Variants in SUDS3 observed in about 807,000 individuals in gnomAD.
The protein encoded by SUDS3 is SIN3A corepressor complex component SDS3.
SUDS3 carries 23 observed loss-of-function variants against 53.5 expected under a neutral mutation model. The observed-to-expected ratio is 0.43, with a 90% CI of 0.31 to 0.61. The LOEUF is 0.61. Among genes scored for constraint, SUDS3 ranks in the 20% least tolerant of loss-of-function variants. SUDS3 has a pLI of 0.10. For synonymous variants in SUDS3, 150 were observed against 148.5 expected (o/e 1.01, Z -0.08); for missense variants, 291 against 405.9 (o/e 0.72, Z 2.43).
chr12:118,390,779 CTT>C (rs550585145), intron 5 of SUDS3, among the ~76,000 whole-genome samples: 1 of 152,146 alleles, frequency 6.6e-6, no homozygotes, highest in African/African-American at 2.4e-5. Context: ...ATAATAGTAA[CTT>C]TTTGAATATA....
intron 2 of SUDS3, among the ~76,000 whole-genome samples, chr12:118,380,536 A>G (rs1461612490): frequency 6.6e-6 from 1 of 152,226 alleles, no homozygotes; most frequent in African/African-American, 2.4e-5. Flanking sequence ...GAGTTTGACC[A>G]TAGCGCTTCC....
intron 6 of SUDS3, among the ~76,000 whole-genome samples, chr12:118,399,456 C>A (rs138702342): frequency 0.031 from 4,726 of 152,174 alleles, 243 homozygotes; most frequent in African/African-American, 0.11. Flanking sequence ...GAATGAAGAT[C>A]GTGCCACTGC....
intron 9 of SUDS3, 174 bp downstream of exon 9, chr12:118,402,178 C>T (rs2046269137): frequency 3.3e-6 from 2 of 602,820 alleles, no homozygotes; most frequent in African/African-American, 3.8e-5. Context: ...TCCCTGATTT[C>T]TTTTTTTTTC....
chr12:118,414,604 C>A lies in SUDS3; in HGVS notation c.*171C>A, dbSNP rs1314426798. On this transcript the variant is annotated 3_prime_UTR_variant, in exon 12 of 12. Coordinates refer to ENST00000543473, the MANE Select transcript of SUDS3 (RefSeq NM_022491.3). ...AGGGCACTTTTGTGGCCGGATGCTT[C>A]CAACTTTGTCAGTCTTTTCTGCCTC... 4.0e-6 allele frequency: 2 copies of A among 499,602 alleles called. No individual in the cohort carries two copies. Among genetic ancestry groups the A allele is most frequent in the African/African-American group, 4.0e-5 (2 of 50,188 alleles). 30.9% of individuals were successfully genotyped at this position (499,602 alleles called of 1,614,324 possible).
At chr12:118,389,304 T>C (rs1278618626) in intron 4 of SUDS3, among the ~76,000 whole-genome samples, 1 of 152,106 alleles carries the variant, frequency 6.6e-6, no homozygotes, top group Non-Finnish European at 1.5e-5. Flanking sequence ...CCAAAAAGGT[T>C]GGAGACCACT....
At position 118,403,467 on chromosome 12, in the gene SUDS3, G is replaced by C. The variant is rs370809170; in HGVS notation, c.753G>C (p.Gln251His). 3 of 1,613,662 alleles carry C rather than the reference G, an allele frequency of 1.9e-6. No homozygotes were observed. The African/African-American group carries it at 4.0e-5, about 22-fold the overall frequency. ...LPATPAESPA[Q>H]RFEARIEDGK... ...CAACACCCGCGGAATCTCCAGCCCA[G>C]AGGTTCGAAGCTCGGATAGAAGATG... The change falls in exon 10 of 12, where the codon CAG becomes CAC. Residue 251 changes from glutamine to histidine, a missense_variant. Transcript: ENST00000543473.
chr12:118,382,240 G>A (rs987039278), intron 2 of SUDS3, among the ~76,000 whole-genome samples: 1 of 151,932 alleles, frequency 6.6e-6, no homozygotes, highest in African/African-American at 2.4e-5. Flanking sequence ...TAGAGACGGG[G>A]TTTCACCATG....
At chr12:118,393,103 G>A (rs2046182521) in intron 6 of SUDS3, among the ~76,000 whole-genome samples, 1 of 152,220 alleles carries the variant, frequency 6.6e-6, no homozygotes, top group African/African-American at 2.4e-5. Flanking sequence ...CACTGCCAAG[G>A]TAATGATGGA....
rs2046398869 is a variant in SUDS3, at chr12:118,416,156, G to A, written c.*1723G>A. 1 of 152,120 alleles carries A rather than the reference G, an allele frequency of 6.6e-6. No individual in the cohort carries two copies. The highest frequency in any genetic ancestry group is 2.4e-5 in the African/African-American group (1 of 41,410). The allele number at this position is 152,120 out of a possible 1,614,324, so 9.4% of individuals were successfully genotyped here. A position where few individuals can be genotyped will look rare whatever the true frequency, so the allele number is the denominator to read the frequency against. Reference sequence around the variant, plus strand: ...CCCTCGCTTGAACTGTTACACATACGATGTGTGTGTCACATCACATATTGT... The same window carrying A: ...CCCTCGCTTGAACTGTTACACATACAATGTGTGTGTCACATCACATATTGT... On this transcript the variant is annotated 3_prime_UTR_variant, in exon 12 of 12. Coordinates refer to ENST00000543473, the MANE Select transcript of SUDS3 (RefSeq NM_022491.3).
intron 2 of SUDS3, among the ~76,000 whole-genome samples, chr12:118,381,617 C>T (rs1385784294): frequency 2.0e-5 from 3 of 152,086 alleles, no homozygotes; most frequent in Non-Finnish European, 2.9e-5. Context: ...AAACTCTTGA[C>T]CTCAGGTGAT....
At position 118,401,812 on chromosome 12, in the gene SUDS3, TTAAA is replaced by T; in HGVS notation, c.671_674del (p.Asn224SerfsTer33). 1 of 1,613,902 alleles carries T rather than the reference TTAAA, an allele frequency of 6.2e-7. No individual in the cohort carries two copies. Among genetic ancestry groups the T allele is most frequent in the South Asian group, 1.1e-5 (1 of 91,074 alleles). On this transcript the variant is annotated frameshift_variant, in exon 8 of 12. Coordinates refer to ENST00000543473, the MANE Select transcript of SUDS3 (RefSeq NM_022491.3). LOFTEE classifies it high-confidence loss of function. ...ACAGATCATGGAGGATCTGAGAACATTAAATAAGGTACGGTTTGACTTTTTTGAT... is the reference window on the plus strand; with the variant it reads ...ACAGATCATGGAGGATCTGAGAACATTAAGGTACGGTTTGACTTTTTTGAT...
intron 10 of SUDS3, 126 bp downstream of exon 10, chr12:118,403,643 C>A: frequency 1.4e-6 from 1 of 731,960 alleles, no homozygotes; most frequent in South Asian, 1.8e-5. Flanking sequence ...AAAGTAGAAA[C>A]CCATTAAAAA....
rs2046385560 is a variant in SUDS3, at chr12:118,414,708, T to C, written c.*275T>C. On this transcript the variant is annotated 3_prime_UTR_variant, in exon 12 of 12. Coordinates refer to ENST00000543473, the MANE Select transcript of SUDS3 (RefSeq NM_022491.3). ...GGGGGTTTGATTTACTTTCCTTTTA[T>C]TTCTTTATTTTTTGCTTATACTTGT... The C allele has an allele frequency of 3.3e-6, 1 of 304,742 alleles. No homozygotes were observed. The highest frequency in any genetic ancestry group is 2.2e-5 in the African/African-American group (1 of 46,356). 18.9% of individuals were successfully genotyped at this position (304,742 alleles called of 1,614,324 possible). A position where few individuals can be genotyped will look rare whatever the true frequency, so the allele number is the denominator to read the frequency against.
chr12:118,410,532 T>G (rs2046348436), intron 10 of SUDS3, among the ~76,000 whole-genome samples: 1 of 151,842 alleles, frequency 6.6e-6, no homozygotes. Flanking sequence ...GATTAGGTGG[T>G]CTTCTAACCT....
At chr12:118,383,426 G>A (rs536584676) in intron 2 of SUDS3, among the ~76,000 whole-genome samples, 2 of 152,308 alleles carry the variant, frequency 1.3e-5, no homozygotes, top group East Asian at 1.9e-4. Context: ...CTTTTGCTTC[G>A]TGTGTGCTGT....
rs2046114106 is a variant in SUDS3, at chr12:118,386,279, A to T, written c.340+94A>T. The stretch of plus-strand genomic sequence containing the variant: ...GCAGCCCTAAGAGCTATTCTCCAAA[A>T]CATATCCCAGATACTCTGTCAGGGA... On this transcript the variant is annotated intron_variant, in intron 4 of 11. Coordinates refer to ENST00000543473, the MANE Select transcript of SUDS3 (RefSeq NM_022491.3). 1.5e-5 allele frequency: 15 copies of T among 973,486 alleles called. No homozygotes were observed. The Middle Eastern group carries it at 6.3e-4, about 41-fold the overall frequency. 60.3% of individuals were successfully genotyped at this position (973,486 alleles called of 1,614,324 possible).
intron 10 of SUDS3, among the ~76,000 whole-genome samples, chr12:118,409,211 G>T (rs7956261): frequency 6.7e-6 from 1 of 150,038 alleles, no homozygotes; most frequent in South Asian, 2.1e-4. Flanking sequence ...GCAGTGGCAT[G>T]ATCTTGGCTT....
At chr12:118,408,134 C>T (rs1293214817) in intron 10 of SUDS3, among the ~76,000 whole-genome samples, 4 of 152,256 alleles carry the variant, frequency 2.6e-5, no homozygotes, top group African/African-American at 9.6e-5. Flanking sequence ...CTCCTGACCT[C>T]GTGATATACC....
chr12:118,382,666 CTTT>C (rs573617276), intron 2 of SUDS3, among the ~76,000 whole-genome samples: 16,359 of 135,624 alleles, frequency 0.12, 1,137 homozygotes, highest in Middle Eastern at 0.22. Context: ...TGTGCCCAGC[CTTT>C]TTTTTTTTTT....
Sources: allele counts gnomAD v4.1 joint callset (sites outside exome capture counted in the v4.1 genomes callset), GRCh38; gene constraint gnomAD v4.1.1; transcripts MANE v1.5; gene names NCBI Gene and HGNC (gene_info 2026-07-23, HGNC 2026-07-21).